The following DNAAF4 variants were observed in gnomAD, a reference collection of about 807,000 sequenced individuals.
DNAAF4 encodes the protein dynein axonemal assembly factor 4, also known as dynein assembly factor 4, axonemal.
DNAAF4 carries 43 observed loss-of-function variants against 51.8 expected under a neutral mutation model. The observed-to-expected ratio is 0.83, with a 90% confidence interval of 0.65 to 1.07. The LOEUF (loss-of-function observed/expected upper bound fraction) is 1.07. DNAAF4 is among the 50% of genes least tolerant of loss of function. The pLI is 0.00. For synonymous variants in DNAAF4, 194 were observed against 165.6 expected (o/e 1.17, Z -1.32); for missense variants, 581 against 493.0 (o/e 1.18, Z -1.69).
At chr15:55,459,489 G>C (rs1486973777) in intron 5 of DNAAF4, among the ~76,000 whole-genome samples, 1 of 151,978 alleles carries the variant, frequency 6.6e-6, no homozygotes, top group African/African-American at 2.4e-5. Flanking sequence ...GAATAGAACA[G>C]TACCTCACAT....
At chr15:55,466,451 G>A (rs562611380) in intron 5 of DNAAF4, among the ~76,000 whole-genome samples, 58 of 152,160 alleles carry the variant, frequency 3.8e-4, no homozygotes, top group Middle Eastern at 6.8e-3. Flanking sequence ...TAATTTATCT[G>A]TTTTTGAATA....
At chr15:55,500,186 G>GA (rs1462749379) in intron 1 of DNAAF4, among the ~76,000 whole-genome samples, 2 of 152,084 alleles carry the variant, frequency 1.3e-5, no homozygotes, top group Non-Finnish European at 2.9e-5. Flanking sequence ...ATTCATTGAG[G>GA]AAAGATAAGG....
chr15:55,467,631 G>A (rs910246992), intron 4 of DNAAF4, among the ~76,000 whole-genome samples: 2 of 151,340 alleles, frequency 1.3e-5, no homozygotes, highest in African/African-American at 2.4e-5. Context: ...CCTGTCAACC[G>A]AAGTTGTGCC....
At chr15:55,418,623 T>C (rs2141377015) in intron 7 of DNAAF4, 1 of 1,225,762 alleles carries the variant, frequency 8.2e-7, no homozygotes, top group South Asian at 1.6e-5. Flanking sequence ...AAAATGAGTG[T>C]TAAATCTAAG....
At chr15:55,482,795 C>G (rs1595941864) in intron 4 of DNAAF4, among the ~76,000 whole-genome samples, 1 of 152,170 alleles carries the variant, frequency 6.6e-6, no homozygotes, top group East Asian at 1.9e-4. Context: ...TTTTCACCAA[C>G]TGATGAATGG....
intron 4 of DNAAF4, among the ~76,000 whole-genome samples, chr15:55,474,974 G>A (rs187928980): frequency 2.1e-4 from 32 of 152,256 alleles, no homozygotes; most frequent in Admixed American, 1.7e-3. Context: ...GACAGACTTC[G>A]TCTCAAACAC....
chr15:55,419,729 G>T (rs1464567662), intron 7 of DNAAF4, among the ~76,000 whole-genome samples: 3 of 152,092 alleles, frequency 2.0e-5, no homozygotes, highest in Non-Finnish European at 4.4e-5. Context: ...GGGTGCGGTG[G>T]CTCACACCTG....
chr15:55,439,359 C>T, intron 7 of DNAAF4, 113 bp downstream of exon 7: 1 of 836,828 alleles, frequency 1.2e-6, no homozygotes, highest in Non-Finnish European at 1.9e-6. Context: ...ATCATCCCAC[C>T]TCGGCCTCCC....
At chr15:55,434,672 C>A (rs1028234682) in intron 8 of DNAAF4, among the ~76,000 whole-genome samples, 3 of 151,534 alleles carry the variant, frequency 2.0e-5, no homozygotes, top group Non-Finnish European at 2.9e-5. Flanking sequence ...CTGCGCCCGG[C>A]CAGTAACAGC....
At chr15:55,490,620 C>A (rs2058557516) in intron 4 of DNAAF4, among the ~76,000 whole-genome samples, 1 of 152,192 alleles carries the variant, frequency 6.6e-6, no homozygotes, top group Non-Finnish European at 1.5e-5. Context: ...CCTGAAACAA[C>A]TGTCCAACTT....
chr15:55,493,871 ATT>A (rs879426254), intron 3 of DNAAF4, among the ~76,000 whole-genome samples: 1 of 146,324 alleles, frequency 6.8e-6, no homozygotes, highest in East Asian at 2.0e-4. Flanking sequence ...TGCCCGGCTA[ATT>A]TTTTTTTTTT....
chr15:55,422,976 G>A (rs766863716), intron 7 of DNAAF4, among the ~76,000 whole-genome samples: 13 of 151,734 alleles, frequency 8.6e-5, no homozygotes, highest in Admixed American at 2.6e-4. Context: ...CAGCCTGGGT[G>A]ACAAGCAAAA....
chr15:55,463,172 T>TCTCACACA lies in DNAAF4; in HGVS notation c.637+3757_637+3758insTGTGTGAG, dbSNP rs369642249. On this transcript the variant is annotated intron_variant, in intron 5 of 9. Transcript: ENST00000321149. ...CTAAGGAACACAGTGAGACTCTGTC[T>TCTCACACA]CACACACACACACACACACACACAC... Among the ~76,000 whole-genome samples the TCTCACACA allele has an allele frequency of 8.6e-3, 1,207 of 140,356 alleles. 21 individuals carry two copies. Among genetic ancestry groups the TCTCACACA allele is most frequent in the African/African-American group, 0.031 (1,132 of 36,386 alleles). The allele number at this position is 140,356 out of a possible 152,430, so 92.1% of individuals were successfully genotyped here.
intron 6 of DNAAF4, chr15:55,443,357 TG>T: frequency 1.3e-6 from 1 of 795,468 alleles, no homozygotes; most frequent in Non-Finnish European, 2.0e-6. Context: ...CTCCTCAGCA[TG>T]GCTCAGGGCC....
At chr15:55,429,618 C>T (rs2057467153), downstream of DNAAF4, among the ~76,000 whole-genome samples, 3 of 151,540 alleles carry the variant, frequency 2.0e-5, no homozygotes, top group South Asian at 6.2e-4. Context: ...GAGATTGAGA[C>T]CATCCTGGCT....
chr15:55,445,659 G>A (rs2057788858), intron 6 of DNAAF4, among the ~76,000 whole-genome samples: 1 of 149,570 alleles, frequency 6.7e-6, no homozygotes, highest in Admixed American at 6.6e-5. Flanking sequence ...CTCCCAGACG[G>A]GGTGGCCAGG....
intron 4 of DNAAF4, among the ~76,000 whole-genome samples, chr15:55,488,667 T>C (rs1476427509): frequency 6.6e-6 from 1 of 152,198 alleles, no homozygotes; most frequent in Non-Finnish European, 1.5e-5. Context: ...AACAGACAAT[T>C]TGTGGAACAG....
intron 4 of DNAAF4, among the ~76,000 whole-genome samples, chr15:55,482,451 T>TCA (rs2058424991): frequency 6.6e-6 from 1 of 151,820 alleles, no homozygotes; most frequent in Non-Finnish European, 1.5e-5. Context: ...CCGAGGTGGG[T>TCA]GGATCACCTG....
At chr15:55,441,363 C>G (rs2057709751) in intron 6 of DNAAF4, among the ~76,000 whole-genome samples, 1 of 152,204 alleles carries the variant, frequency 6.6e-6, no homozygotes. Flanking sequence ...AGCCACCATG[C>G]CCAGCCCATG....
Sources: allele counts gnomAD v4.1 joint callset (sites outside exome capture counted in the v4.1 genomes callset), GRCh38; gene constraint gnomAD v4.1.1; transcripts MANE v1.5; gene names NCBI Gene and HGNC (gene_info 2026-07-23, HGNC 2026-07-21).